Variants in DDX21 observed in about 807,000 individuals in gnomAD.
DDX21 encodes nucleolar RNA helicase 2.
Under a neutral mutation model 90.0 loss-of-function variants are expected in DDX21, and 18 were observed. The observed-to-expected ratio is 0.20, with a 90% CI of 0.14 to 0.30. The LOEUF (loss-of-function observed/expected upper bound fraction) is 0.30. Ranked by LOEUF, DDX21 falls within the 10% of genes least tolerant of loss-of-function variation. The pLI is 1.00. For missense variants in DDX21, 673 were observed against 944.5 expected, an observed-to-expected ratio of 0.71 and a Z score of 3.77; for synonymous variants, 294 against 318.0, an observed-to-expected ratio of 0.92 and a Z score of 0.80.
chr10:68,978,853 C>G lies in DDX21; in HGVS notation c.1914C>G (p.Thr638=). Residue 638 remains threonine (T), a synonymous_variant, in exon 13 of 15, where the codon ACC becomes ACG. Coordinates refer to ENST00000354185, the MANE Select transcript of DDX21 (RefSeq NM_004728.4). ...TCTTGTGTTGTAAGGGTTTTGTGAC[C>G]ATGATCTTGCAGTGCTCAATTGAAA... ...SLINSNVGFV[T]MILQCSIEMP... 6.2e-7 allele frequency: 1 copy of G among 1,612,436 alleles called. No individual in the cohort carries two copies. The highest frequency in any genetic ancestry group is 8.5e-7 in the Non-Finnish European group (1 of 1,178,978).
At chr10:68,956,337 G>A (rs755613026) in intron 1 of DDX21, 25 bp downstream of exon 1, 60 of 1,613,692 alleles carry the variant, frequency 3.7e-5, no homozygotes, top group Non-Finnish European at 4.9e-5. Flanking sequence ...CCTGGGGCCA[G>A]GAGGGACGCT....
Position 68,967,079 on chromosome 10 carries a change from C to T in DDX21, c.966C>T (p.His322=). ...LVGTPGRIKD[H]IQNGKLDLTK... ...GAACACCAGGTCGTATCAAAGACCA[C>T]ATACAGAATGGCAAACTAGATCTCA... Residue 322 remains histidine (H), a synonymous_variant, in exon 6 of 15, where the codon CAC becomes CAT. Transcript: ENST00000354185. 1 of 1,612,276 alleles carries T rather than the reference C, an allele frequency of 6.2e-7. No individual in the cohort carries two copies. The highest frequency in any genetic ancestry group is 8.5e-7 in the Non-Finnish European group (1 of 1,179,560).
At chr10:68,957,774 A>G (rs1261228491) in intron 1 of DDX21, among the ~76,000 whole-genome samples, 2 of 91,302 alleles carry the variant, frequency 2.2e-5, no homozygotes, top group African/African-American at 7.0e-5. Context: ...CTAGGAGATT[A>G]TTCTTAATCT....
chr10:68,960,618 C>T (rs574819888), intron 2 of DDX21, among the ~76,000 whole-genome samples: 46 of 152,014 alleles, frequency 3.0e-4, no homozygotes, highest in South Asian at 6.2e-4. Context: ...TGTGCTATCA[C>T]GCCTGGCTAA....
intron 11 of DDX21, among the ~76,000 whole-genome samples, chr10:68,975,869 A>G (rs1843090581): frequency 6.6e-6 from 1 of 151,938 alleles, no homozygotes; most frequent in South Asian, 2.1e-4. Context: ...CTAACATGGA[A>G]AAAACCCATT....
chr10:68,973,575 C>A lies in DDX21; in HGVS notation c.1579C>A (p.Arg527=), dbSNP rs777671366. 5 of 1,614,006 alleles carry A rather than the reference C, an allele frequency of 3.1e-6. No individual in the cohort carries two copies. The Admixed American group carries it at 5.0e-5, about 16-fold the overall frequency. ...AGAGTCCTACATTCATCGATCCGGG[C>A]GGACAGGCAGAGCTGGAAGGACGGG... ...DVESYIHRSG[R]TGRAGRTGVC... The change falls in exon 10 of 15, where the codon CGG becomes AGG. Residue 527 remains arginine (R), a synonymous_variant. Transcript: ENST00000354185.
intron 6 of DDX21, among the ~76,000 whole-genome samples, chr10:68,968,242 T>C (rs1842968497): frequency 1.3e-5 from 2 of 151,128 alleles, no homozygotes; most frequent in Non-Finnish European, 2.9e-5. Context: ...CCATCATAGC[T>C]CACTGCATCC....
Position 68,983,001 on chromosome 10 carries a change from A to C in DDX21, c.*189A>C. 1.4e-6 allele frequency: 1 copy of C among 712,468 alleles called. No individual in the cohort carries two copies. Among genetic ancestry groups the C allele is most frequent in the Non-Finnish European group, 2.1e-6 (1 of 466,042 alleles). The allele number at this position is 712,468 out of a possible 1,614,324, so 44.1% of individuals were successfully genotyped here. On this transcript the variant is annotated 3_prime_UTR_variant, in exon 15 of 15. Coordinates refer to ENST00000354185, the MANE Select transcript of DDX21 (RefSeq NM_004728.4). ...TCTGATCATTATCATTTATAACTTT[A>C]TTGTTACTTCTTCATCAGTTTTTCC...
intron 4 of DDX21, 44 bp downstream of exon 4, chr10:68,963,513 A>C (rs745624513): frequency 6.4e-6 from 10 of 1,550,400 alleles, no homozygotes; most frequent in Non-Finnish European, 8.7e-6. Context: ...CATAGGAAAA[A>C]CCACCACTTG....
intron 6 of DDX21, among the ~76,000 whole-genome samples, chr10:68,968,636 C>T (rs149336587): frequency 4.6e-5 from 7 of 152,278 alleles, no homozygotes; most frequent in Non-Finnish European, 1.0e-4. Context: ...AAAATAGTAG[C>T]TGGACTCAAT....
At chr10:68,981,625 T>C in intron 14 of DDX21, 44 bp downstream of exon 14, 1 of 1,431,510 alleles carries the variant, frequency 7.0e-7, no homozygotes, top group Non-Finnish European at 9.8e-7. Flanking sequence ...ACCTAAATTG[T>C]AGAATGTTAA....
intron 14 of DDX21, among the ~76,000 whole-genome samples, chr10:68,982,080 G>A (rs536137785): frequency 5.1e-4 from 78 of 152,194 alleles, no homozygotes; most frequent in African/African-American, 1.5e-3. Flanking sequence ...CGCCATGTTG[G>A]CCAGGCTGGT....
At chr10:68,974,375 AC>A (rs1261353438) in intron 10 of DDX21, among the ~76,000 whole-genome samples, 5 of 152,198 alleles carry the variant, frequency 3.3e-5, no homozygotes, top group Non-Finnish European at 7.3e-5. Context: ...GTCATGAAAA[AC>A]AAGGAAAGAA....
Position 68,977,690 on chromosome 10 carries a change from T to C in DDX21, c.1902+2T>C. 1 of 1,609,140 alleles carries C rather than the reference T, an allele frequency of 6.2e-7. No homozygotes were observed. Among genetic ancestry groups the C allele is most frequent in the Non-Finnish European group, 8.5e-7 (1 of 1,176,856 alleles). On this transcript the variant is annotated splice_donor_variant, in intron 12 of 14. Transcript: ENST00000354185. LOFTEE classifies it high-confidence loss of function. ...CGCTCCTTGATCAACTCAAATGTGG[T>C]AAGGTTCTGCAGCACATTCCTGACA...
At chr10:68,972,437 T>C (rs1843038937) in intron 9 of DDX21, among the ~76,000 whole-genome samples, 1 of 152,212 alleles carries the variant, frequency 6.6e-6, no homozygotes, top group African/African-American at 2.4e-5. Flanking sequence ...TTGTGAGTTA[T>C]AGGAACCTCT....
chr10:68,980,623 A>G (rs1420205981), intron 13 of DDX21, among the ~76,000 whole-genome samples: 1 of 152,192 alleles, frequency 6.6e-6, no homozygotes, highest in African/African-American at 2.4e-5. Flanking sequence ...TGAAGACAGC[A>G]GGGAGAGGAG....
At chr10:68,980,799 A>G (rs1843174694) in intron 13 of DDX21, among the ~76,000 whole-genome samples, 1 of 146,288 alleles carries the variant, frequency 6.8e-6, no homozygotes, top group African/African-American at 2.5e-5. Context: ...TCTTGAGACC[A>G]GCCTGGGTAA....
chr10:68,972,081 T>C, intron 9 of DDX21, 29 bp downstream of exon 9: 7 of 1,584,956 alleles, frequency 4.4e-6, no homozygotes, highest in Non-Finnish European at 5.1e-6. Context: ...GATTTTATTT[T>C]GTTTTGTTTT....
chr10:68,978,972 A>G lies in DDX21; in HGVS notation c.2033A>G (p.Lys678Arg). The change falls in exon 13 of 15, where the codon AAG (lysine) becomes AGG (arginine). Residue 678 changes from lysine to arginine, a missense_variant. Coordinates refer to ENST00000354185, the MANE Select transcript of DDX21 (RefSeq NM_004728.4). ...AAGGGAATGGTTTTTCTCAAAGGAA[A>G]GCTGGTAAGGCTGGGGTCTCTGTTG... ...KVKGMVFLKG[K>R]LGVCFDVPTA... The G allele has an allele frequency of 5.0e-6, 8 of 1,614,158 alleles. No homozygotes were observed. The highest frequency in any genetic ancestry group is 6.8e-6 in the Non-Finnish European group (8 of 1,180,010).
Sources: allele counts gnomAD v4.1 joint callset (sites outside exome capture counted in the v4.1 genomes callset), GRCh38; gene constraint gnomAD v4.1.1; transcripts MANE v1.5; gene names NCBI Gene and HGNC (gene_info 2026-07-23, HGNC 2026-07-21).